LZTS1: variants seen among roughly 807,000 people sequenced by gnomAD.
LZTS1 encodes the protein leucine zipper putative tumor suppressor 1.
In LZTS1, 31 loss-of-function variants were observed where a neutral mutation model predicts 45.8. The observed-to-expected ratio is 0.68, with a 90% CI of 0.51 to 0.91. LZTS1 has a LOEUF of 0.91. Ranked by LOEUF, LZTS1 falls within the 40% of genes least tolerant of loss-of-function variation. The probability of loss-of-function intolerance (pLI) is 0.00; values close to 1 mark genes in which losing one functional copy is unlikely to be tolerated. For synonymous variants in LZTS1, 359 were observed against 357.3 expected (o/e 1.00, Z -0.05); for missense variants, 821 against 788.9 (o/e 1.04, Z -0.49).
At position 20,248,294 on chromosome 8, in the gene LZTS1, T is replaced by TG. The variant is rs1799789755; in HGVS notation, c.*1427dup. 1 of 152,374 alleles carries TG rather than the reference T, an allele frequency of 6.6e-6. No individual in the cohort carries two copies. Among genetic ancestry groups the TG allele is most frequent in the African/African-American group, 2.4e-5 (1 of 41,444 alleles). The allele number at this position is 152,374 out of a possible 1,614,324, so 9.4% of individuals were successfully genotyped here. A position where few individuals can be genotyped will look rare whatever the true frequency, so the allele number is the denominator to read the frequency against. ...ATGATCATGCCACTGCACTCCAGCC[T>TG]GGGGGACAGAGCAAGACCCTGTCTC... On this transcript the variant is annotated 3_prime_UTR_variant, in exon 4 of 4. Transcript: ENST00000381569.
At chr8:20,273,807 T>G (rs1164027955) in intron 1 of LZTS1, among the ~76,000 whole-genome samples, 1 of 152,038 alleles carries the variant, frequency 6.6e-6, no homozygotes, top group East Asian at 1.9e-4. Flanking sequence ...CTCCCAAGGC[T>G]ACCCTATTGC....
At chr8:20,292,062 T>A (rs1039945520) in intron 1 of LZTS1, among the ~76,000 whole-genome samples, 1 of 152,216 alleles carries the variant, frequency 6.6e-6, no homozygotes, top group Non-Finnish European at 1.5e-5. Flanking sequence ...TCTGGAAACC[T>A]CATGGGACAC....
chr8:20,293,779 T>C (rs1319458446), intron 1 of LZTS1, among the ~76,000 whole-genome samples: 1 of 151,856 alleles, frequency 6.6e-6, no homozygotes, highest in Non-Finnish European at 1.5e-5. Context: ...CAAAAAAATT[T>C]AAAAATGGGC....
At chr8:20,302,953 T>C (rs1406829779) in intron 1 of LZTS1, among the ~76,000 whole-genome samples, 1 of 152,064 alleles carries the variant, frequency 6.6e-6, no homozygotes, top group African/African-American at 2.4e-5. Context: ...GGATGCCTGT[T>C]GCTGCCAAGC....
intron 1 of LZTS1, among the ~76,000 whole-genome samples, chr8:20,303,165 TC>T (rs1236768747): frequency 1.3e-5 from 2 of 151,984 alleles, no homozygotes; most frequent in African/African-American, 4.8e-5. Context: ...CTTAGACACT[TC>T]GATTTACCAC....
chr8:20,274,976 TG>T (rs1800549275), intron 1 of LZTS1, among the ~76,000 whole-genome samples: 1 of 151,956 alleles, frequency 6.6e-6, no homozygotes, highest in Non-Finnish European at 1.5e-5. Context: ...TGTGTGTGTG[TG>T]TGTGTGTCTC....
Position 20,256,060 on chromosome 8 carries a change from CAAAAA to C in LZTS1, c.-134-750_-134-746del, listed in dbSNP as rs386412254. ...ACTGCACTCCAGCCTGGGCCTGACT[CAAAAA>C]AAAAAAAAAAAAAAAAAAAGAAGAA... On this transcript the variant is annotated intron_variant, in intron 1 of 3. Coordinates refer to ENST00000381569, the MANE Select transcript of LZTS1 (RefSeq NM_021020.5). Among the ~76,000 whole-genome samples the C allele has an allele frequency of 2.8e-4, 16 of 56,458 alleles. No homozygotes were observed. The South Asian group carries it at 3.7e-3, about 13-fold the overall frequency. The allele number at this position is 56,458 out of a possible 152,430, so 37.0% of individuals were successfully genotyped here.
intron 1 of LZTS1, among the ~76,000 whole-genome samples, chr8:20,297,777 T>C (rs557216751): frequency 1.3e-5 from 2 of 152,222 alleles, no homozygotes; most frequent in African/African-American, 2.4e-5. Context: ...AAAAGGGAGA[T>C]GGGGGGTGAA....
At position 20,255,202 on chromosome 8, in the gene LZTS1, G is replaced by GGGGCAGGGCC; in HGVS notation, c.-31_-22dup. 3 of 1,599,924 alleles carry GGGGCAGGGCC rather than the reference G, an allele frequency of 1.9e-6. No homozygotes were observed. Among genetic ancestry groups the GGGGCAGGGCC allele is most frequent in the Non-Finnish European group, 2.6e-6 (3 of 1,173,070 alleles). The stretch of plus-strand genomic sequence containing the variant: ...CCCATGGTGACTCGGGGCTGAGGAT[G>GGGGCAGGGCC]GGGCAGGGCCGGGCAGGGTCTTGGA... On this transcript the variant is annotated 5_prime_UTR_variant, in exon 2 of 4. Transcript: ENST00000381569.
intron 1 of LZTS1, among the ~76,000 whole-genome samples, chr8:20,298,299 T>A (rs1203366592): frequency 1.3e-5 from 2 of 152,060 alleles, no homozygotes; most frequent in African/African-American, 4.8e-5. Flanking sequence ...TGACCTCAGA[T>A]GATAAGCCCA....
At chr8:20,293,381 T>G (rs1800930477) in intron 1 of LZTS1, among the ~76,000 whole-genome samples, 1 of 152,170 alleles carries the variant, frequency 6.6e-6, no homozygotes, top group Non-Finnish European at 1.5e-5. Context: ...TGCTCTTCCC[T>G]ATCATGGCCA....
In LZTS1 at chr8:20,301,443, A is replaced by G. The variant is rs1007418498; in HGVS notation, c.-135+2297T>C. Reference sequence around the variant, plus strand: ...AGTGGCTGGCATTAAGTGTTACGGTATTATCCATTACACTGGTCTATAAGG... The same window carrying G: ...AGTGGCTGGCATTAAGTGTTACGGTGTTATCCATTACACTGGTCTATAAGG... On this transcript the variant is annotated intron_variant, in intron 1 of 3. Coordinates refer to ENST00000381569, the MANE Select transcript of LZTS1 (RefSeq NM_021020.5). Among the ~76,000 whole-genome samples, 9 of 152,102 alleles carry G rather than the reference A, an allele frequency of 5.9e-5. No individual in the cohort carries two copies. The South Asian group carries it at 8.3e-4, about 14-fold the overall frequency.
In LZTS1 at chr8:20,248,858, C is replaced by A. The variant is rs1379130863; in HGVS notation, c.*864G>T. 1 of 152,466 alleles carries A rather than the reference C, an allele frequency of 6.6e-6. No individual in the cohort carries two copies. Among genetic ancestry groups the A allele is most frequent in the African/African-American group, 2.4e-5 (1 of 41,400 alleles). 9.4% of individuals were successfully genotyped at this position (152,466 alleles called of 1,614,324 possible). On this transcript the variant is annotated 3_prime_UTR_variant, in exon 4 of 4. Transcript: ENST00000381569. Reference sequence around the variant, plus strand: ...CCCCAGCTGGACAGATGGGGAGGCTCCCTGAGGGTGCCTGGAAAGCCACAC... The same window carrying A: ...CCCCAGCTGGACAGATGGGGAGGCTACCTGAGGGTGCCTGGAAAGCCACAC...
At chr8:20,250,457 C>A in intron 3 of LZTS1, 94 bp from the exon 4 acceptor site, 1 of 1,289,680 alleles carries the variant, frequency 7.8e-7, no homozygotes, top group East Asian at 2.4e-5. Flanking sequence ...CAAGCCACTC[C>A]GGATGCGGTG....
intron 1 of LZTS1, chr8:20,289,966 A>G (rs190294269): frequency 2.0e-5 from 3 of 152,242 alleles, no homozygotes; most frequent in East Asian, 1.9e-4. Context: ...CCTGGGGGGA[A>G]GTCCCATGGC....
At chr8:20,262,033 G>T (rs1448135932) in intron 1 of LZTS1, among the ~76,000 whole-genome samples, 3 of 152,232 alleles carry the variant, frequency 2.0e-5, no homozygotes, top group Non-Finnish European at 2.9e-5. Context: ...GCACTCAGCG[G>T]TGAGCTCACG....
At chr8:20,298,876 T>C (rs1254589356) in intron 1 of LZTS1, among the ~76,000 whole-genome samples, 1 of 151,958 alleles carries the variant, frequency 6.6e-6, no homozygotes, top group Non-Finnish European at 1.5e-5. Flanking sequence ...ATCTTGTCTC[T>C]AAAAAACAAA....
chr8:20,289,293 A>C (rs6998516), intron 1 of LZTS1: 100,725 of 152,108 alleles, frequency 0.66, 33,461 homozygotes, highest in East Asian at 0.79. Flanking sequence ...CTCTGGAGGC[A>C]TCCTTCTATC....
Position 20,255,235 on chromosome 8 carries a change from T to C in LZTS1, c.-54A>G. 6.4e-7 allele frequency: 1 copy of C among 1,557,794 alleles called. No homozygotes were observed. Among genetic ancestry groups the C allele is most frequent in the Non-Finnish European group, 8.7e-7 (1 of 1,155,262 alleles). ...GCCGGGCAGGGTCTTGGAAAGGCTG[T>C]GGCAGCAAGGGGCAGTCGTGGCTCC... On this transcript the variant is annotated 5_prime_UTR_variant, in exon 2 of 4. Coordinates refer to ENST00000381569, the MANE Select transcript of LZTS1 (RefSeq NM_021020.5).
Sources: allele counts gnomAD v4.1 joint callset (sites outside exome capture counted in the v4.1 genomes callset), GRCh38; gene constraint gnomAD v4.1.1; transcripts MANE v1.5; gene names NCBI Gene and HGNC (gene_info 2026-07-23, HGNC 2026-07-21).